Variants in GREB1 observed in about 807,000 individuals in gnomAD.
GREB1 encodes growth regulating estrogen receptor binding 1.
A neutral mutation model predicts 200.7 loss-of-function variants in GREB1; 106 were observed. The observed-to-expected ratio is 0.53, with a 90% confidence interval of 0.45 to 0.62. The LOEUF (loss-of-function observed/expected upper bound fraction) is 0.62. Ranked by LOEUF, GREB1 falls within the 20% of genes least tolerant of loss-of-function variation. GREB1 has a pLI of 0.00. For synonymous variants in GREB1, 1,132 were observed against 1,092.4 expected, an observed-to-expected ratio of 1.04 and a Z score of -0.72; for missense variants, 2,243 against 2,556.8, an observed-to-expected ratio of 0.88 and a Z score of 2.65.
rs1279936631 is a variant in GREB1, at chr2:11,626,966, A to G, written c.4311A>G (p.Arg1437=). Residue 1437 remains arginine, a synonymous_variant, in exon 25 of 33, where the codon AGA becomes AGG. Transcript: ENST00000381486. ...SHYQGIKSED[R]GMSRKPEDLY... is the part of the protein sequence containing the mutation. ...ATCCTGGGGAATTTGGTGCAGACAG[A>G]GGGATGTCCCGGAAGCCGGAGGACC... 4 of 1,613,996 alleles carry G rather than the reference A, an allele frequency of 2.5e-6. No individual in the cohort carries two copies. The African/African-American group carries it at 4.0e-5, about 16-fold the overall frequency.
intron 7 of GREB1, chr2:11,581,395 T>A (rs1343377698): frequency 4.8e-6 from 1 of 207,260 alleles, no homozygotes; most frequent in East Asian, 1.2e-4. Context: ...GAGGCTCGTC[T>A]GCTCAGGGAA....
chr2:11,625,387 G>T (rs1041120843), intron 24 of GREB1, 75 bp downstream of exon 24: 1 of 1,437,720 alleles, frequency 7.0e-7, no homozygotes, highest in Middle Eastern at 2.1e-4. Context: ...GCTGGATTTT[G>T]TTAGGCATGA....
intron 1 of GREB1, among the ~76,000 whole-genome samples, chr2:11,495,624 G>A (rs754011232): frequency 6.6e-6 from 1 of 151,900 alleles, no homozygotes; most frequent in Non-Finnish European, 1.5e-5. Flanking sequence ...TATTATCCTC[G>A]TTTTGCAGAG....
chr2:11,597,546 G>C lies in GREB1; in HGVS notation c.1955-235G>C, dbSNP rs969435950. Among the ~76,000 whole-genome samples the C allele has an allele frequency of 6.6e-6, 1 of 152,128 alleles. No individual in the cohort carries two copies. The highest frequency in any genetic ancestry group is 1.5e-5 in the Non-Finnish European group (1 of 68,022). Reference sequence around the variant, plus strand: ...CCTCCACTGTGCTCCCCAAGTGCTTGGTTCTTATTTTTATTATTAAGTGAA... The same window carrying C: ...CCTCCACTGTGCTCCCCAAGTGCTTCGTTCTTATTTTTATTATTAAGTGAA... On this transcript the variant is annotated intron_variant, in intron 13 of 32. Coordinates refer to ENST00000381486, the MANE Select transcript of GREB1 (RefSeq NM_014668.4). This position sits in a 1 kb window ranked among gnomAD's most constrained non-coding sequence, Gnocchi z 4.1.
intron 21 of GREB1, among the ~76,000 whole-genome samples, chr2:11,618,078 A>AGCC (rs1302936252): frequency 1.1e-5 from 1 of 88,854 alleles, no homozygotes; most frequent in African/African-American, 3.0e-5. Context: ...CAGAAACAGG[A>AGCC]GCCGCCGGCA....
chr2:11,572,157 C>T (rs1293875322), intron 4 of GREB1, among the ~76,000 whole-genome samples: 2 of 152,252 alleles, frequency 1.3e-5, no homozygotes, highest in Non-Finnish European at 1.5e-5. Context: ...AAGTGGCCCT[C>T]TGCGCAGGGA....
In GREB1 at chr2:11,634,348, C is replaced by T. The variant is rs1183352613; in HGVS notation, c.5209C>T (p.Arg1737Trp). ...CCAGAACGTGCAGTACAACCAGAACCGGTGAGCTCCTGCACCTGGGGCAGA... is the reference window on the plus strand; with the variant it reads ...CCAGAACGTGCAGTACAACCAGAACTGGTGAGCTCCTGCACCTGGGGCAGA... The part of the protein sequence containing the change: ...LTQNVQYNQN[R>W]FLCDDVDFNL... Residue 1737 changes from arginine (R) to tryptophan (W), a missense_variant and splice_region_variant, in exon 29 of 33, where the codon CGG (arginine) becomes TGG (tryptophan). Transcript: ENST00000381486. The T allele has an allele frequency of 1.1e-5, 18 of 1,611,468 alleles. No homozygotes were observed. The highest frequency in any genetic ancestry group is 1.7e-5 in the Admixed American group (1 of 59,826).
At chr2:11,598,072 G>A in intron 14 of GREB1, 94 bp downstream of exon 14, 1 of 886,838 alleles carries the variant, frequency 1.1e-6, no homozygotes, top group Non-Finnish European at 1.9e-6. Flanking sequence ...GCTATAGAGT[G>A]AATAGGGCAA....
At chr2:11,538,863 C>CT (rs1471475971) in intron 1 of GREB1, among the ~76,000 whole-genome samples, 4 of 129,020 alleles carry the variant, frequency 3.1e-5, no homozygotes, top group African/African-American at 8.9e-5. Flanking sequence ...CTTCCTCCCT[C>CT]CGTCCCTCCC....
intron 2 of GREB1, among the ~76,000 whole-genome samples, chr2:11,558,843 C>G (rs1414500862): frequency 6.6e-6 from 1 of 152,016 alleles, no homozygotes; most frequent in African/African-American, 2.4e-5. Context: ...ACTGAACACC[C>G]CTTGATCTGT....
intron 22 of GREB1, 68 bp from the exon 23 acceptor site, chr2:11,620,837 G>T: frequency 1.2e-6 from 1 of 863,554 alleles, no homozygotes. Flanking sequence ...CATGCCAGGT[G>T]TTCAGCCGGT....
intron 22 of GREB1, among the ~76,000 whole-genome samples, chr2:11,619,306 G>T (rs984356795): frequency 6.6e-6 from 1 of 152,150 alleles, no homozygotes; most frequent in Non-Finnish European, 1.5e-5. Flanking sequence ...CTGTTTCCCT[G>T]TCTCAGCCTT....
chr2:11,604,045 T>G (rs533842768), intron 17 of GREB1, among the ~76,000 whole-genome samples: 25 of 152,342 alleles, frequency 1.6e-4, no homozygotes, highest in Non-Finnish European at 3.2e-4. Flanking sequence ...GACCAAAGTC[T>G]CACAGCTAGT....
Position 11,611,072 on chromosome 2 carries a change from G to A in GREB1, c.3006+45G>A. 2 of 1,457,674 alleles carry A rather than the reference G, an allele frequency of 1.4e-6. 1 individual carries two copies. Among genetic ancestry groups the A allele is most frequent in the South Asian group, 2.7e-5 (2 of 73,446 alleles). 90.3% of individuals were successfully genotyped at this position (1,457,674 alleles called of 1,614,324 possible). ...AGGGGCGGAGGGCCTGGGGGTACCT[G>A]GGAGAGCTGAGGGGCCCACCAGAGG... On this transcript the variant is annotated intron_variant, in intron 18 of 32. Transcript: ENST00000381486.
chr2:11,562,405 G>A, intron 2 of GREB1, 58 bp from the exon 3 acceptor site: 1 of 1,600,604 alleles, frequency 6.2e-7, no homozygotes. Flanking sequence ...AGGCCCTGGG[G>A]GAAGCTCTGA....
chr2:11,587,813 C>T (rs138022641), intron 9 of GREB1: 292 of 1,067,902 alleles, frequency 2.7e-4, no homozygotes, highest in Non-Finnish European at 3.2e-4. Flanking sequence ...TTTACAAATG[C>T]GGAGACTGAG....
rs1018296296 is a variant in GREB1, at chr2:11,580,208, G to C, written c.773-496G>C. On this transcript the variant is annotated intron_variant, in intron 6 of 32. Coordinates refer to ENST00000381486, the MANE Select transcript of GREB1 (RefSeq NM_014668.4). This position sits in a 1 kb window ranked among gnomAD's most constrained non-coding sequence, Gnocchi z 4.5. ...CTCCCACGACACAGGGGGATTATGG[G>C]AGCTGCAATTCAAAGTGGAATTTGG... Among the ~76,000 whole-genome samples the C allele has an allele frequency of 1.3e-5, 2 of 152,178 alleles. No homozygotes were observed. Among genetic ancestry groups the C allele is most frequent in the African/African-American group, 2.4e-5 (1 of 41,422 alleles).
intron 5 of GREB1, among the ~76,000 whole-genome samples, chr2:11,577,199 C>T (rs1572775551): frequency 6.6e-6 from 1 of 152,002 alleles, no homozygotes; most frequent in African/African-American, 2.4e-5. Context: ...CCCTAGGGAA[C>T]GTGTGGCCAT....
At chr2:11,538,945 TCGTGTCCCCTCC>T (rs1558512204) in intron 1 of GREB1, among the ~76,000 whole-genome samples, 1 of 11,572 alleles carries the variant, frequency 8.6e-5, no homozygotes, top group African/African-American at 1.5e-4. Context: ...TCCCCTCCCC[TCGTGTCCCCTCC>T]CCTCCTCTCC....
Sources: allele counts gnomAD v4.1 joint callset (sites outside exome capture counted in the v4.1 genomes callset), GRCh38; gene constraint gnomAD v4.1.1; non-coding constraint Gnocchi (gnomAD v3.1); transcripts MANE v1.5; gene names NCBI Gene and HGNC (gene_info 2026-07-23, HGNC 2026-07-21).